The following ST8SIA6 variants were observed in gnomAD, a reference collection of about 807,000 sequenced individuals.
The protein encoded by ST8SIA6 is alpha-2,8-sialyltransferase 8F.
ST8SIA6 carries 39 observed loss-of-function variants against 33.6 expected under a neutral mutation model. The ratio of observed to expected loss-of-function variants is 1.16; its 90% CI spans 0.90 to 1.52. The LOEUF (loss-of-function observed/expected upper bound fraction) is 1.52. ST8SIA6 is among the 40% of genes most tolerant of loss of function. The pLI is 0.00. For missense variants in ST8SIA6, 441 were observed against 443.8 expected (o/e 0.99, Z 0.06); for synonymous variants, 172 against 167.2 (o/e 1.03, Z -0.22).
intron 2 of ST8SIA6, among the ~76,000 whole-genome samples, chr10:17,439,076 T>TTTTTACAG (rs1319912145): frequency 1.3e-5 from 2 of 152,310 alleles, no homozygotes; most frequent in East Asian, 3.9e-4. Context: ...AAACTACAGC[T>TTTTTACAG]TTTTACAGTT....
intron 5 of ST8SIA6, among the ~76,000 whole-genome samples, chr10:17,330,356 T>G (rs1319238312): frequency 6.6e-6 from 1 of 152,136 alleles, no homozygotes; most frequent in East Asian, 1.9e-4. Context: ...TTCCAAGGCT[T>G]TCCCTGATAG....
At chr10:17,423,360 T>C (rs951738492) in intron 2 of ST8SIA6, among the ~76,000 whole-genome samples, 17 of 152,338 alleles carry the variant, frequency 1.1e-4, no homozygotes, top group South Asian at 6.2e-4. Flanking sequence ...TAGCATCTTA[T>C]TTTCATTTCC....
chr10:17,368,981 G>T (rs1588848698), intron 3 of ST8SIA6, among the ~76,000 whole-genome samples: 1 of 152,174 alleles, frequency 6.6e-6, no homozygotes, highest in Non-Finnish European at 1.5e-5. Context: ...GGATAGGCTT[G>T]TTAAGAATGC....
At chr10:17,337,665 A>C (rs1052330860) in intron 4 of ST8SIA6, among the ~76,000 whole-genome samples, 2 of 152,220 alleles carry the variant, frequency 1.3e-5, no homozygotes, top group Non-Finnish European at 2.9e-5. Flanking sequence ...ACAACAAATA[A>C]AACAAAATGG....
intron 2 of ST8SIA6, among the ~76,000 whole-genome samples, chr10:17,413,860 A>G (rs933309998): frequency 4.6e-5 from 7 of 152,284 alleles, no homozygotes; most frequent in African/African-American, 1.7e-4. Context: ...AAGTATTTCC[A>G]TTTGTTCCTT....
intron 4 of ST8SIA6, among the ~76,000 whole-genome samples, chr10:17,333,881 C>T (rs2131588763): frequency 6.6e-6 from 1 of 150,446 alleles, no homozygotes; most frequent in Admixed American, 6.6e-5. Context: ...GCTACCATGT[C>T]CGGCTAATTT....
chr10:17,402,409 C>T (rs1454655326), intron 2 of ST8SIA6, among the ~76,000 whole-genome samples: 3 of 152,170 alleles, frequency 2.0e-5, no homozygotes, highest in African/African-American at 7.2e-5. Context: ...TACCATTTGA[C>T]CCAGCCATCC....
intron 3 of ST8SIA6, among the ~76,000 whole-genome samples, chr10:17,367,564 A>G (rs1021841318): frequency 2.0e-5 from 3 of 152,250 alleles, no homozygotes; most frequent in African/African-American, 7.2e-5. Flanking sequence ...AAGAGAATCA[A>G]TAAACAAATA....
chr10:17,360,612 G>A (rs1022644456), intron 3 of ST8SIA6, among the ~76,000 whole-genome samples: 4 of 151,944 alleles, frequency 2.6e-5, no homozygotes, highest in Non-Finnish European at 5.9e-5. Context: ...AGTGGAAATA[G>A]AAGTGATATA....
intron 2 of ST8SIA6, among the ~76,000 whole-genome samples, chr10:17,437,981 A>C (rs1043532919): frequency 1.3e-5 from 2 of 151,576 alleles, no homozygotes; most frequent in African/African-American, 4.8e-5. Flanking sequence ...CATCCACCTC[A>C]GCCTCCTAAA....
At chr10:17,414,380 C>T (rs1382096378) in intron 2 of ST8SIA6, among the ~76,000 whole-genome samples, 1 of 152,204 alleles carries the variant, frequency 6.6e-6, no homozygotes, top group Admixed American at 6.5e-5. Flanking sequence ...TCCACACTCA[C>T]TCTCTGCTGC....
At chr10:17,387,253 A>AT (rs34212118) in intron 3 of ST8SIA6, among the ~76,000 whole-genome samples, 202 of 145,416 alleles carry the variant, frequency 1.4e-3, no homozygotes, top group Middle Eastern at 6.9e-3. Context: ...GAAAACAATA[A>AT]TTTTTTTTTT....
At chr10:17,407,349 G>A (rs889411197) in intron 2 of ST8SIA6, among the ~76,000 whole-genome samples, 7 of 152,094 alleles carry the variant, frequency 4.6e-5, no homozygotes, top group East Asian at 1.9e-4. Context: ...CATGGATGTC[G>A]GAAAAGTGAC....
At chr10:17,344,351 A>G (rs1737198974) in intron 4 of ST8SIA6, among the ~76,000 whole-genome samples, 1 of 152,222 alleles carries the variant, frequency 6.6e-6, no homozygotes, top group Non-Finnish European at 1.5e-5. Flanking sequence ...GTGGCTGGGG[A>G]GGCCTCCCAG....
chr10:17,363,979 T>C (rs1849478552), intron 3 of ST8SIA6, among the ~76,000 whole-genome samples: 1 of 152,226 alleles, frequency 6.6e-6, no homozygotes, highest in African/African-American at 2.4e-5. Context: ...AGAGAGGTTC[T>C]GGGTTATACA....
Position 17,318,751 on chromosome 10 carries a change from A to G in ST8SIA6, c.*2127T>C. The G allele has an allele frequency of 4.3e-6, 2 of 470,246 alleles. No individual in the cohort carries two copies. The highest frequency in any genetic ancestry group is 3.1e-5 in the South Asian group (2 of 64,496). The allele number at this position is 470,246 out of a possible 1,614,324, so 29.1% of individuals were successfully genotyped here. On this transcript the variant is annotated 3_prime_UTR_variant, in exon 8 of 8. Transcript: ENST00000377602. Reference sequence around the variant, plus strand: ...GTTTTGCACTTGGTGAAAAATTTGCAATGATTCACCAATACAGAACAAAAA... The same window carrying G: ...GTTTTGCACTTGGTGAAAAATTTGCGATGATTCACCAATACAGAACAAAAA...
rs144302139 is a variant in ST8SIA6, at chr10:17,425,529, T to C, written c.200+28030A>G. On this transcript the variant is annotated intron_variant, in intron 2 of 7. Transcript: ENST00000377602. ...CTGCAGTGGGCTGAGATCATGCCAC[T>C]GCACTCCGGCCTAGGCAGCAGAGTG... Among the ~76,000 whole-genome samples, 219 of 151,450 alleles carry C rather than the reference T, an allele frequency of 1.4e-3. 1 individual carries two copies. The highest frequency in any genetic ancestry group is 5.1e-3 in the African/African-American group (209 of 41,190).
chr10:17,402,045 C>G (rs992607137), intron 2 of ST8SIA6, among the ~76,000 whole-genome samples: 4 of 152,010 alleles, frequency 2.6e-5, no homozygotes, highest in African/African-American at 9.7e-5. Context: ...TGACACAGGG[C>G]TAATATCCAG....
intron 5 of ST8SIA6, among the ~76,000 whole-genome samples, chr10:17,331,050 A>G (rs1206273678): frequency 6.6e-6 from 1 of 152,240 alleles, no homozygotes. Context: ...TTGGGAAGGA[A>G]TTGATTTAGT....
Sources: allele counts gnomAD v4.1 joint callset (sites outside exome capture counted in the v4.1 genomes callset), GRCh38; gene constraint gnomAD v4.1.1; transcripts MANE v1.5; gene names NCBI Gene and HGNC (gene_info 2026-07-23, HGNC 2026-07-21).